Variants in POLR2C observed in about 807,000 individuals in gnomAD.
The protein encoded by POLR2C is RNA polymerase II subunit C.
A neutral mutation model predicts 41.7 loss-of-function variants in POLR2C; 36 were observed. The ratio of observed to expected loss-of-function variants is 0.86; its 90% CI spans 0.66 to 1.14. POLR2C has a LOEUF of 1.14. Among genes scored for constraint, POLR2C ranks in the 50% most tolerant of loss-of-function variants. The pLI is 0.00. For synonymous variants in POLR2C, 133 were observed against 137.8 expected, an observed-to-expected ratio of 0.96 and a Z score of 0.25; for missense variants, 260 against 350.4, an observed-to-expected ratio of 0.74 and a Z score of 2.06.
chr16:57,463,673 C>T (rs1335235493), intron 2 of POLR2C: 2 of 453,040 alleles, frequency 4.4e-6, no homozygotes, highest in Non-Finnish European at 4.4e-6. Context: ...GCTTCCAGGC[C>T]GCGCTCGCGC....
Position 57,469,424 on chromosome 16 carries a change from C to G in POLR2C, c.387+131C>G, listed in dbSNP as rs749571586. ...TGTTACCCTCTGCCTTAATCTGATC[C>G]CTAGAAGTGCTAATTCTGGATTCCT... On this transcript the variant is annotated intron_variant, in intron 5 of 8. Coordinates refer to ENST00000219252, the MANE Select transcript of POLR2C (RefSeq NM_032940.3). This position sits in a 1 kb window ranked among gnomAD's most constrained non-coding sequence, Gnocchi z 5.8. The G allele has an allele frequency of 6.0e-6, 6 of 1,000,244 alleles. No individual in the cohort carries two copies. Among genetic ancestry groups the G allele is most frequent in the Admixed American group, 1.9e-5 (1 of 51,304 alleles). The allele number at this position is 1,000,244 out of a possible 1,614,324, so 62.0% of individuals were successfully genotyped here.
In POLR2C at chr16:57,470,904, G is replaced by T. The variant is rs2030818397; in HGVS notation, c.684-71G>T. ...AGAGCCAAGACCCGGAAGGAGGAAG[G>T]GTTGTCCATGGCCAGAGCTCGGGTC... On this transcript the variant is annotated intron_variant, in intron 8 of 8. Transcript: ENST00000219252. 1.5e-5 allele frequency: 22 copies of T among 1,476,510 alleles called. No individual in the cohort carries two copies. In the South Asian group the frequency reaches 2.4e-4, roughly 16 times the overall value. 91.5% of individuals were successfully genotyped at this position (1,476,510 alleles called of 1,614,324 possible).
chr16:57,465,961 TG>T lies in POLR2C; in HGVS notation c.148del (p.Val50PhefsTer21). 1 of 1,598,564 alleles carries T rather than the reference TG, an allele frequency of 6.3e-7. No individual in the cohort carries two copies. Among genetic ancestry groups the T allele is most frequent in the Non-Finnish European group, 8.6e-7 (1 of 1,165,952 alleles). ...CTTCTTTCATTTTTTAGCCATTGAC[TG>T]GGTTCAGATTGATGCCAATTCCTCA... Reference protein sequence around the residue: ...IAEVPIIAIDWVQIDANSSVL... With the variant: ...IAEVPIIAIDXVQIDANSSVL... On this transcript the variant is annotated frameshift_variant, in exon 3 of 9. Coordinates refer to ENST00000219252, the MANE Select transcript of POLR2C (RefSeq NM_032940.3). LOFTEE classifies it high-confidence loss of function.
At chr16:57,464,332 A>G (rs1334203226) in intron 2 of POLR2C, among the ~76,000 whole-genome samples, 1 of 152,186 alleles carries the variant, frequency 6.6e-6, no homozygotes, top group African/African-American at 2.4e-5. Context: ...GTGAGGTTGT[A>G]GGGGAGAGAT....
At chr16:57,466,283 A>G (rs1375370029) in intron 4 of POLR2C, 56 bp downstream of exon 4, 36 of 1,194,200 alleles carry the variant, frequency 3.0e-5, no homozygotes, top group Admixed American at 6.9e-5. Context: ...TTGGTTCTCA[A>G]AGGGATTTTT....
intron 4 of POLR2C, among the ~76,000 whole-genome samples, chr16:57,467,087 G>A (rs1350007725): frequency 1.3e-5 from 2 of 152,100 alleles, no homozygotes; most frequent in African/African-American, 2.4e-5. Context: ...CAAAATATTA[G>A]CCGAGCGTGG....
chr16:57,470,545 G>A, intron 8 of POLR2C, 191 bp downstream of exon 8: 1 of 575,244 alleles, frequency 1.7e-6, no homozygotes, highest in East Asian at 2.9e-5. Context: ...TTTGGTCACT[G>A]ACAAAGAGGA....
At chr16:57,463,151 G>C in intron 2 of POLR2C, 73 bp downstream of exon 2, 1 of 1,177,158 alleles carries the variant, frequency 8.5e-7, no homozygotes, top group African/African-American at 1.5e-5. Context: ...ACTCTTTGGG[G>C]CTCCTTCCAG....
chr16:57,467,445 C>G (rs1019737402), intron 4 of POLR2C, among the ~76,000 whole-genome samples: 4 of 152,126 alleles, frequency 2.6e-5, no homozygotes, highest in Non-Finnish European at 1.5e-5. Context: ...CATAAAGATA[C>G]GCATGCTCTA....
intron 2 of POLR2C, 40 bp downstream of exon 2, chr16:57,463,118 C>G: frequency 6.6e-7 from 1 of 1,512,244 alleles, no homozygotes; most frequent in Non-Finnish European, 9.2e-7. Context: ...CCCACGGGTT[C>G]CTGCCCCGCT....
intron 1 of POLR2C, 65 bp from the exon 2 acceptor site, chr16:57,462,940 ACCAGGGCTTTAGCTTTGGGAGCCT>A: frequency 8.1e-7 from 1 of 1,233,814 alleles, no homozygotes; most frequent in Non-Finnish European, 1.1e-6. Flanking sequence ...GCCCCCCTGC[ACCAGGGCTTTAGCTTTGGGAGCCT>A]GCGGCGCGGG....
chr16:57,462,681 A>C lies in POLR2C; in HGVS notation c.-44A>C, dbSNP rs1231875128. 1.4e-6 allele frequency: 2 copies of C among 1,446,094 alleles called. No individual in the cohort carries two copies. Among genetic ancestry groups the C allele is most frequent in the African/African-American group, 2.8e-5 (2 of 70,688 alleles). 89.6% of individuals were successfully genotyped at this position (1,446,094 alleles called of 1,614,324 possible). ...TCCGGTGTTGGCGGTGGCGCCGCGCAGTCACCGCGGAGCAGACGCGGAGGC... is the reference window on the plus strand; with the variant it reads ...TCCGGTGTTGGCGGTGGCGCCGCGCCGTCACCGCGGAGCAGACGCGGAGGC... On this transcript the variant is annotated 5_prime_UTR_variant, in exon 1 of 9. Coordinates refer to ENST00000219252, the MANE Select transcript of POLR2C (RefSeq NM_032940.3).
rs773459242 is a variant in POLR2C, at chr16:57,462,693, G to C, written c.-32G>C. On this transcript the variant is annotated 5_prime_UTR_variant, in exon 1 of 9. Coordinates refer to ENST00000219252, the MANE Select transcript of POLR2C (RefSeq NM_032940.3). ...GGTGGCGCCGCGCAGTCACCGCGGA[G>C]CAGACGCGGAGGCTGGTGGCCCCTG... 2.6e-6 allele frequency: 4 copies of C among 1,537,306 alleles called. No individual in the cohort carries two copies. The African/African-American group carries it at 4.2e-5, about 16-fold the overall frequency.
In POLR2C at chr16:57,462,715, C is replaced by T. The variant is rs778792663; in HGVS notation, c.-10C>T. On this transcript the variant is annotated 5_prime_UTR_variant, in exon 1 of 9. Transcript: ENST00000219252. ...GGAGCAGACGCGGAGGCTGGTGGCCCCTGGGCGAGATGCCGTACGCCAACC... is the reference window on the plus strand; with the variant it reads ...GGAGCAGACGCGGAGGCTGGTGGCCTCTGGGCGAGATGCCGTACGCCAACC... The T allele has an allele frequency of 3.9e-5, 62 of 1,590,160 alleles. No individual in the cohort carries two copies. The East Asian group carries it at 9.2e-4, about 24-fold the overall frequency.
rs747220914 is a variant in POLR2C at position 57,462,718 on chromosome 16, G to C, written c.-7G>C. ...GCAGACGCGGAGGCTGGTGGCCCCT[G>C]GGCGAGATGCCGTACGCCAACCAGC... On this transcript the variant is annotated 5_prime_UTR_variant, in exon 1 of 9. Coordinates refer to ENST00000219252, the MANE Select transcript of POLR2C (RefSeq NM_032940.3). The C allele has an allele frequency of 8.2e-5, 130 of 1,592,520 alleles. No homozygotes were observed. Among genetic ancestry groups the C allele is most frequent in the Non-Finnish European group, 1.1e-4 (127 of 1,169,256 alleles).
chr16:57,463,222 T>G, intron 2 of POLR2C, 144 bp downstream of exon 2: 1 of 735,522 alleles, frequency 1.4e-6, no homozygotes, highest in Non-Finnish European at 2.4e-6. Context: ...GACTTGACCA[T>G]ACCCTGTGCC....
In POLR2C at chr16:57,469,408, C is replaced by T. The variant is rs1032909406; in HGVS notation, c.387+115C>T. On this transcript the variant is annotated intron_variant, in intron 5 of 8. Transcript: ENST00000219252. This position sits in a 1 kb window ranked among gnomAD's most constrained non-coding sequence, Gnocchi z 5.8. The stretch of plus-strand genomic sequence containing the variant: ...AAATGTTGGCTTTCCCTGTTACCCT[C>T]TGCCTTAATCTGATCCCTAGAAGTG... 10 of 1,128,940 alleles carry T rather than the reference C, an allele frequency of 8.9e-6. No homozygotes were observed. The African/African-American group carries it at 1.5e-4, about 17-fold the overall frequency. The allele number at this position is 1,128,940 out of a possible 1,614,324, so 69.9% of individuals were successfully genotyped here. A position where few individuals can be genotyped will look rare whatever the true frequency, so the allele number is the denominator to read the frequency against.
chr16:57,465,326 G>A (rs1437549679), intron 2 of POLR2C, among the ~76,000 whole-genome samples: 1 of 152,114 alleles, frequency 6.6e-6, no homozygotes, highest in Non-Finnish European at 1.5e-5. Flanking sequence ...GATTTAGTTG[G>A]TTCCATGCAA....
chr16:57,462,683 T>G lies in POLR2C; in HGVS notation c.-42T>G, dbSNP rs888704982. On this transcript the variant is annotated 5_prime_UTR_variant, in exon 1 of 9. Coordinates refer to ENST00000219252, the MANE Select transcript of POLR2C (RefSeq NM_032940.3). ...CGGTGTTGGCGGTGGCGCCGCGCAG[T>G]CACCGCGGAGCAGACGCGGAGGCTG... The G allele has an allele frequency of 8.9e-6, 13 of 1,468,846 alleles. No homozygotes were observed. The highest frequency in any genetic ancestry group is 1.2e-5 in the Non-Finnish European group (13 of 1,070,154). The allele number at this position is 1,468,846 out of a possible 1,614,324, so 91.0% of individuals were successfully genotyped here. A position where few individuals can be genotyped will look rare whatever the true frequency, so the allele number is the denominator to read the frequency against.
Sources: allele counts gnomAD v4.1 joint callset (sites outside exome capture counted in the v4.1 genomes callset), GRCh38; gene constraint gnomAD v4.1.1; non-coding constraint Gnocchi (gnomAD v3.1); transcripts MANE v1.5; gene names NCBI Gene and HGNC (gene_info 2026-07-23, HGNC 2026-07-21).